PCDH9: variants seen among roughly 807,000 people sequenced by gnomAD.
PCDH9 encodes protocadherin-9.
A neutral mutation model predicts 70.6 loss-of-function variants in PCDH9; 24 were observed. The ratio of observed to expected loss-of-function variants is 0.34; its 90% CI spans 0.25 to 0.48. The LOEUF is 0.48. Ranked by LOEUF, PCDH9 falls within the 20% of genes least tolerant of loss-of-function variation. The probability of loss-of-function intolerance (pLI) is 0.99; values close to 1 mark genes in which losing one functional copy is unlikely to be tolerated. For missense variants in PCDH9, 1,281 were observed against 1,503.6 expected (o/e 0.85, Z 2.45); for synonymous variants, 562 against 558.5 (o/e 1.01, Z -0.09).
chr13:67,173,516 C>A lies in PCDH9; in HGVS notation c.3036+51889G>T, dbSNP rs534347595. Among the ~76,000 whole-genome samples, 4 of 152,262 alleles carry A rather than the reference C, an allele frequency of 2.6e-5. No homozygotes were observed. The South Asian group carries it at 8.3e-4, about 32-fold the overall frequency. On this transcript the variant is annotated intron_variant, in intron 2 of 4. Coordinates refer to ENST00000377865, the MANE Select transcript of PCDH9 (RefSeq NM_203487.3). ...AGCTCCATTTTCCTCTCTGTGGCCT[C>A]ACTGCAGGAGTTTCACAAGATGGAA... is the stretch of plus-strand genomic sequence containing the variant.
intron 3 of PCDH9, among the ~76,000 whole-genome samples, chr13:66,849,486 GTA>G (rs144181181): frequency 0.16 from 14,081 of 89,306 alleles, 1,326 homozygotes; most frequent in East Asian, 0.26. Flanking sequence ...TCATAGGTAG[GTA>G]TATATATATA....
chr13:66,965,703 G>C (rs377097267), intron 2 of PCDH9, among the ~76,000 whole-genome samples: 1 of 151,834 alleles, frequency 6.6e-6, no homozygotes, highest in Non-Finnish European at 1.5e-5. Flanking sequence ...ATGAATAAAT[G>C]ATTATCTTTA....
chr13:66,626,951 C>CTGTGTGTGTG (rs10559380), intron 4 of PCDH9, among the ~76,000 whole-genome samples: 4,581 of 147,446 alleles, frequency 0.031, 84 homozygotes, highest in South Asian at 0.061. Context: ...TCAAATGCCA[C>CTGTGTGTGTG]TGTGTGTGTG....
chr13:66,836,225 G>A (rs2081015038), intron 3 of PCDH9, among the ~76,000 whole-genome samples: 1 of 152,046 alleles, frequency 6.6e-6, no homozygotes, highest in Non-Finnish European at 1.5e-5. Context: ...TTATACTCTT[G>A]ACCCCTCTTT....
chr13:67,172,851 C>T (rs1442855297), intron 2 of PCDH9, among the ~76,000 whole-genome samples: 9 of 124,028 alleles, frequency 7.3e-5, no homozygotes, highest in African/African-American at 2.5e-4. Flanking sequence ...GCAGTCCAGC[C>T]TGGGAGACAG....
chr13:67,033,750 T>C (rs929396050), intron 2 of PCDH9, among the ~76,000 whole-genome samples: 6 of 152,166 alleles, frequency 3.9e-5, no homozygotes, highest in African/African-American at 1.4e-4. Context: ...TCTTTAACGC[T>C]TAAGAAGAGT....
intron 2 of PCDH9, among the ~76,000 whole-genome samples, chr13:67,028,809 T>G (rs896276284): frequency 6.6e-6 from 1 of 152,100 alleles, no homozygotes; most frequent in South Asian, 2.1e-4. Flanking sequence ...AAATGAAACC[T>G]CAATTTTAAT....
chr13:66,979,527 TTCTC>T (rs1487012971), intron 2 of PCDH9, among the ~76,000 whole-genome samples: 6 of 152,140 alleles, frequency 3.9e-5, no homozygotes, highest in African/African-American at 1.2e-4. Context: ...AAAGGCTTCT[TTCTC>T]CTGAATCTTC....
chr13:66,808,423 A>AT (rs1466944054), intron 3 of PCDH9, among the ~76,000 whole-genome samples: 1 of 152,186 alleles, frequency 6.6e-6, no homozygotes, highest in African/African-American at 2.4e-5. Flanking sequence ...CAAGATATAT[A>AT]TTTTTTACAT....
chr13:66,515,841 G>T (rs1214848172), intron 4 of PCDH9, among the ~76,000 whole-genome samples: 2 of 151,922 alleles, frequency 1.3e-5, no homozygotes, highest in African/African-American at 4.8e-5. Flanking sequence ...AATTTAGAAA[G>T]CTTTCTCAAG....
At chr13:67,019,090 C>A (rs541533046) in intron 2 of PCDH9, among the ~76,000 whole-genome samples, 96 of 152,138 alleles carry the variant, frequency 6.3e-4, no homozygotes, top group African/African-American at 2.3e-3. Flanking sequence ...GAAATGTCCT[C>A]CCTCACAAAG....
chr13:66,317,860 G>T (rs932855608), intron 4 of PCDH9, among the ~76,000 whole-genome samples: 5 of 152,054 alleles, frequency 3.3e-5, no homozygotes, highest in Admixed American at 3.3e-4. Context: ...GGGGGAAAAG[G>T]TGACTTTTTA....
At chr13:66,761,920 T>A (rs1407039933) in intron 3 of PCDH9, among the ~76,000 whole-genome samples, 1 of 151,262 alleles carries the variant, frequency 6.6e-6, no homozygotes, top group East Asian at 1.9e-4. Context: ...TTTGGTAGTG[T>A]CATTTTCCCC....
chr13:66,382,781 A>G (rs1030068411), intron 4 of PCDH9, among the ~76,000 whole-genome samples: 3 of 152,162 alleles, frequency 2.0e-5, no homozygotes, highest in African/African-American at 7.2e-5. Flanking sequence ...CTGTAATCCT[A>G]GCACTTTGGA....
chr13:66,886,849 C>G (rs2082012186), intron 3 of PCDH9, among the ~76,000 whole-genome samples: 1 of 152,042 alleles, frequency 6.6e-6, no homozygotes, highest in Non-Finnish European at 1.5e-5. Context: ...AAAGTGACAA[C>G]AAACTATCTG....
chr13:66,631,164 A>T, intron 4 of PCDH9, 46 bp downstream of exon 4: 1 of 988,474 alleles, frequency 1.0e-6, no homozygotes, highest in Non-Finnish European at 1.6e-6. Context: ...AGTGCACTAC[A>T]AAACCAGAAC....
chr13:66,447,305 C>A (rs116715057), intron 4 of PCDH9, among the ~76,000 whole-genome samples: 2,730 of 152,034 alleles, frequency 0.018, 72 homozygotes, highest in East Asian at 0.082. Context: ...TAAGAGTTAA[C>A]ATAACTAATA....
At chr13:66,714,029 T>C (rs998646062) in intron 3 of PCDH9, among the ~76,000 whole-genome samples, 1 of 152,194 alleles carries the variant, frequency 6.6e-6, no homozygotes, top group African/African-American at 2.4e-5. Context: ...TTATTCTTAA[T>C]GTAATACAAT....
intron 3 of PCDH9, among the ~76,000 whole-genome samples, chr13:66,737,487 G>A (rs2079170384): frequency 1.3e-5 from 2 of 152,204 alleles, no homozygotes; most frequent in African/African-American, 4.8e-5. Context: ...GAAGAGGGGG[G>A]AGGAGCCAAG....
Sources: gnomAD v4.1 joint callset for allele counts (sites outside exome capture counted in the v4.1 genomes callset) on GRCh38, gnomAD v4.1.1 for gene constraint, MANE v1.5 for transcripts, NCBI Gene and HGNC (gene_info 2026-07-23, HGNC 2026-07-21) for gene names.